Variants in SDC3 observed in about 807,000 individuals in gnomAD.
SDC3 encodes the protein syndecan 3.
A neutral mutation model predicts 24.4 loss-of-function variants in SDC3; 13 were observed. The observed-to-expected ratio is 0.53, with a 90% CI of 0.35 to 0.85. The LOEUF (loss-of-function observed/expected upper bound fraction) is 0.85, where lower values mean the gene tolerates loss of function less well. SDC3 is among the 40% of genes least tolerant of loss of function. The probability of loss-of-function intolerance (pLI) is 0.01; values close to 1 mark genes in which losing one functional copy is unlikely to be tolerated. For synonymous variants in SDC3, 295 were observed against 260.9 expected, an observed-to-expected ratio of 1.13 and a Z score of -1.26; for missense variants, 571 against 584.5, an observed-to-expected ratio of 0.98 and a Z score of 0.24.
At chr1:30,876,502 CT>C in intron 3 of SDC3, 49 bp downstream of exon 3, 2 of 1,439,902 alleles carry the variant, frequency 1.4e-6, no homozygotes, top group Admixed American at 2.3e-5. Context: ...CATCCCTCCC[CT>C]GACCCACCCT....
rs972655151 is a variant in SDC3 at position 30,869,567 on chromosome 1, A to C, written c.*3644T>G. ...AAAAAAAAAAAAAAAAAAAACAAAA[A>C]CAAAACCAGTTCCTTCACAAGGCTG... is the stretch of plus-strand genomic sequence containing the variant. On this transcript the variant is annotated 3_prime_UTR_variant, in exon 5 of 5. Coordinates refer to ENST00000339394, the MANE Select transcript of SDC3 (RefSeq NM_014654.4). 4.5e-5 allele frequency: 18 copies of C among 397,550 alleles called. No homozygotes were observed. Among genetic ancestry groups the C allele is most frequent in the Non-Finnish European group, 7.1e-5 (16 of 225,812 alleles). The allele number at this position is 397,550 out of a possible 1,614,324, so 24.6% of individuals were successfully genotyped here. A position where few individuals can be genotyped will look rare whatever the true frequency, so the allele number is the denominator to read the frequency against.
chr1:30,909,075 G>A (rs1260162508), upstream of SDC3, among the ~76,000 whole-genome samples: 1 of 152,134 alleles, frequency 6.6e-6, no homozygotes, highest in Admixed American at 6.5e-5. Context: ...ACCAGGGCCC[G>A]GGCCTGGCTC....
chr1:30,890,866 C>A (rs182038267), intron 1 of SDC3, among the ~76,000 whole-genome samples: 1 of 152,184 alleles, frequency 6.6e-6, no homozygotes, highest in Non-Finnish European at 1.5e-5. Context: ...ACAGCCCCCG[C>A]CCCCAGACAG....
At position 30,872,113 on chromosome 1, in the gene SDC3, T is replaced by A. The variant is rs188844113; in HGVS notation, c.*1098A>T. On this transcript the variant is annotated 3_prime_UTR_variant, in exon 5 of 5. Coordinates refer to ENST00000339394, the MANE Select transcript of SDC3 (RefSeq NM_014654.4). ...ACACTGGCTGGGGTTGGCGGCTGCATGGTTGGTGTGGGCACCATGGCATGG... is the reference window on the plus strand; with the variant it reads ...ACACTGGCTGGGGTTGGCGGCTGCAAGGTTGGTGTGGGCACCATGGCATGG... 11 of 152,546 alleles carry A rather than the reference T, an allele frequency of 7.2e-5. No homozygotes were observed. Among genetic ancestry groups the A allele is most frequent in the African/African-American group, 2.2e-4 (9 of 41,590 alleles). 9.4% of individuals were successfully genotyped at this position (152,546 alleles called of 1,614,324 possible).
intron 1 of SDC3, among the ~76,000 whole-genome samples, chr1:30,884,106 C>T (rs1255140514): frequency 1.3e-5 from 2 of 152,148 alleles, no homozygotes; most frequent in African/African-American, 4.8e-5. Flanking sequence ...CCAGCCACAG[C>T]TGCCCTGGCC....
intron 2 of SDC3, chr1:30,878,331 G>A (rs904942175): frequency 4.8e-5 from 15 of 310,634 alleles, no homozygotes; most frequent in Admixed American, 2.2e-4. Context: ...CGGGACCACC[G>A]GAACCAAGCA....
intron 1 of SDC3, among the ~76,000 whole-genome samples, chr1:30,903,952 T>G (rs1638464240): frequency 1.3e-5 from 2 of 151,904 alleles, no homozygotes; most frequent in African/African-American, 4.8e-5. Context: ...GGCTGGGGGT[T>G]GTGGCTCACA....
intron 1 of SDC3, among the ~76,000 whole-genome samples, chr1:30,902,064 A>G (rs1353580206): frequency 6.6e-6 from 1 of 152,148 alleles, no homozygotes; most frequent in Non-Finnish European, 1.5e-5. Context: ...CTGCCCCCTC[A>G]GGCTTGGGAC....
At chr1:30,877,201 C>A in intron 2 of SDC3, 36 bp from the exon 3 acceptor site, 1 of 1,612,824 alleles carries the variant, frequency 6.2e-7, no homozygotes, top group Non-Finnish European at 8.5e-7. Context: ...AGCTAGGGAG[C>A]TGGGTGGTTG....
At chr1:30,892,823 G>A (rs886854794) in intron 1 of SDC3, among the ~76,000 whole-genome samples, 7 of 152,180 alleles carry the variant, frequency 4.6e-5, no homozygotes, top group Admixed American at 2.0e-4. Flanking sequence ...GACGACACAA[G>A]TATAGTGACC....
chr1:30,905,298 T>G, intron 1 of SDC3, among the ~76,000 whole-genome samples: 1 of 123,480 alleles, frequency 8.1e-6, no homozygotes, highest in Admixed American at 8.3e-5. Flanking sequence ...TCCCTACTAA[T>G]TCCCCCACCC....
Position 30,869,932 on chromosome 1 carries a change from G to C in SDC3, c.*3279C>G. ...GGTGCCAGGCAGGCACCTGGGGGAT[G>C]CTGGGGCCATCGGCTCTCAGATGGC... On this transcript the variant is annotated 3_prime_UTR_variant, in exon 5 of 5. Coordinates refer to ENST00000339394, the MANE Select transcript of SDC3 (RefSeq NM_014654.4). The C allele has an allele frequency of 5.0e-6, 2 of 398,618 alleles. No homozygotes were observed. 24.7% of individuals were successfully genotyped at this position (398,618 alleles called of 1,614,324 possible). A position where few individuals can be genotyped will look rare whatever the true frequency, so the allele number is the denominator to read the frequency against.
chr1:30,900,998 C>A (rs867623171), intron 1 of SDC3, among the ~76,000 whole-genome samples: 1 of 152,178 alleles, frequency 6.6e-6, no homozygotes, highest in Non-Finnish European at 1.5e-5. Context: ...GCTGCACCCC[C>A]AGAAAACCCT....
chr1:30,899,083 C>T (rs1557525553), intron 1 of SDC3, among the ~76,000 whole-genome samples: 1 of 152,170 alleles, frequency 6.6e-6, no homozygotes, highest in Non-Finnish European at 1.5e-5. Flanking sequence ...CCACCCACTT[C>T]TTCGTTTCGT....
At chr1:30,892,636 C>T (rs1300223416) in intron 1 of SDC3, among the ~76,000 whole-genome samples, 1 of 152,156 alleles carries the variant, frequency 6.6e-6, no homozygotes. Context: ...TAGTGACTGC[C>T]ACCTCTGTGG....
At chr1:30,908,831 G>T, upstream of SDC3, 1 of 490 alleles carries the variant, frequency 2.0e-3, no homozygotes, top group South Asian at 2.3e-3. Context: ...GCGGAACGGA[G>T]GAGGGGCCCG....
intron 1 of SDC3, among the ~76,000 whole-genome samples, chr1:30,896,592 G>T (rs2124338080): frequency 6.6e-6 from 1 of 152,254 alleles, no homozygotes; most frequent in East Asian, 1.9e-4. Flanking sequence ...TCCATGAAGA[G>T]GGAACAGCAT....
chr1:30,884,407 A>C (rs980617553), intron 1 of SDC3, among the ~76,000 whole-genome samples: 1 of 152,042 alleles, frequency 6.6e-6, no homozygotes, highest in Admixed American at 6.5e-5. Context: ...CTCAGAGGGC[A>C]GGAAATGTTC....
At chr1:30,891,983 T>G (rs185152224) in intron 1 of SDC3, among the ~76,000 whole-genome samples, 85 of 151,810 alleles carry the variant, frequency 5.6e-4, no homozygotes, top group Non-Finnish European at 9.9e-4. Flanking sequence ...CCCTCAGCAA[T>G]GGGGTGCAGG....
Sources: allele counts gnomAD v4.1 joint callset (sites outside exome capture counted in the v4.1 genomes callset), GRCh38; gene constraint gnomAD v4.1.1; transcripts MANE v1.5; gene names NCBI Gene and HGNC (gene_info 2026-07-23, HGNC 2026-07-21).